The following SENP3 variants were observed in gnomAD, a reference collection of about 807,000 sequenced individuals.
SENP3 encodes the protein SUMO specific peptidase 3, also known as sentrin-specific protease 3.
SENP3 carries 11 observed loss-of-function variants against 66.2 expected under a neutral mutation model. The observed-to-expected ratio is 0.17, with a 90% CI of 0.10 to 0.28. The LOEUF (loss-of-function observed/expected upper bound fraction) is 0.28. Ranked by LOEUF, SENP3 falls within the 10% of genes least tolerant of loss-of-function variation. The probability of loss-of-function intolerance (pLI) is 1.00; values close to 1 mark genes in which losing one functional copy is unlikely to be tolerated. For synonymous variants in SENP3, 292 were observed against 277.6 expected (o/e 1.05, Z -0.52); for missense variants, 548 against 743.7 (o/e 0.74, Z 3.06).
In SENP3 at chr17:7,561,990, A is replaced by T. The variant is rs944832116; in HGVS notation, c.-285A>T. ...GCGGGAGGGGAAGGAGGAGGGGGGG[A>T]GGAGTGGCGGCGGCGGCGGTGGCGC... On this transcript the variant is annotated 5_prime_UTR_variant, in exon 1 of 11. Coordinates refer to ENST00000321337, the MANE Select transcript of SENP3 (RefSeq NM_015670.6). The surrounding 1 kb of genome is among the most constrained non-coding windows in gnomAD (Gnocchi z 4.4). 5.6e-5 allele frequency: 22 copies of T among 393,980 alleles called. No individual in the cohort carries two copies. Among genetic ancestry groups the T allele is most frequent in the Non-Finnish European group, 9.4e-5 (21 of 224,372 alleles). 24.4% of individuals were successfully genotyped at this position (393,980 alleles called of 1,614,324 possible).
At position 7,561,976 on chromosome 17, in the gene SENP3, A is replaced by AGGAGGAGGGGG; in HGVS notation, c.-291_-281dup. ...TGGGCCCGGGGCTCGCGGGAGGGGA[A>AGGAGGAGGGGG]GGAGGAGGGGGGGAGGAGTGGCGGC... On this transcript the variant is annotated 5_prime_UTR_variant, in exon 1 of 11. Coordinates refer to ENST00000321337, the MANE Select transcript of SENP3 (RefSeq NM_015670.6). This position sits in a 1 kb window ranked among gnomAD's most constrained non-coding sequence, Gnocchi z 4.4. 1 of 382,370 alleles carries AGGAGGAGGGGG rather than the reference A, an allele frequency of 2.6e-6. No individual in the cohort carries two copies. The allele number at this position is 382,370 out of a possible 1,614,324, so 23.7% of individuals were successfully genotyped here. A position where few individuals can be genotyped will look rare whatever the true frequency, so the allele number is the denominator to read the frequency against.
At chr17:7,567,201 G>C (rs1669194045) in intron 7 of SENP3, among the ~76,000 whole-genome samples, 197 bp downstream of exon 7, 1 of 152,198 alleles carries the variant, frequency 6.6e-6, no homozygotes, top group Non-Finnish European at 1.5e-5. Context: ...CTAGTGATAA[G>C]TGCTGTGGGC....
rs971459535 is a variant in SENP3 at position 7,562,031 on chromosome 17, CGGAGGTGGAGGT to C, written c.-234_-223del. On this transcript the variant is annotated 5_prime_UTR_variant, in exon 1 of 11. Coordinates refer to ENST00000321337, the MANE Select transcript of SENP3 (RefSeq NM_015670.6). This position sits in a 1 kb window ranked among gnomAD's most constrained non-coding sequence, Gnocchi z 5.0. The stretch of plus-strand genomic sequence containing the variant: ...GCGGTGGCGCTGGTGGCGGCGGTGG[CGGAGGTGGAGGT>C]GGAGGTGGAAGCTGAAGCTGAAGCA... 10 of 399,868 alleles carry C rather than the reference CGGAGGTGGAGGT, an allele frequency of 2.5e-5. No individual in the cohort carries two copies. Among genetic ancestry groups the C allele is most frequent in the Non-Finnish European group, 4.4e-5 (10 of 227,414 alleles). 24.8% of individuals were successfully genotyped at this position (399,868 alleles called of 1,614,324 possible). A position where few individuals can be genotyped will look rare whatever the true frequency, so the allele number is the denominator to read the frequency against.
intron 6 of SENP3, 94 bp downstream of exon 6, chr17:7,565,858 A>AG (rs2071263183): frequency 9.1e-7 from 1 of 1,103,970 alleles, no homozygotes; most frequent in Admixed American, 2.0e-5. Context: ...TTACACAGAG[A>AG]GGGTCTCTGT....
intron 7 of SENP3, among the ~76,000 whole-genome samples, chr17:7,569,220 C>T (rs2071292069): frequency 6.6e-6 from 1 of 151,698 alleles, no homozygotes; most frequent in South Asian, 2.1e-4. Context: ...CCTGTCTCTA[C>T]TAAAAATACA....
At chr17:7,565,207 T>G (rs1247235837) in intron 4 of SENP3, 137 bp downstream of exon 4, 13 of 816,302 alleles carry the variant, frequency 1.6e-5, no homozygotes, top group Non-Finnish European at 2.5e-5. Flanking sequence ...TGCAGGCAGG[T>G]GCCAAATCCT....
chr17:7,570,620 C>T lies in SENP3; in HGVS notation c.1480-61C>T. 1 of 1,581,922 alleles carries T rather than the reference C, an allele frequency of 6.3e-7. No individual in the cohort carries two copies. The highest frequency in any genetic ancestry group is 1.1e-5 in the South Asian group (1 of 87,964). On this transcript the variant is annotated intron_variant, in intron 8 of 10. Coordinates refer to ENST00000321337, the MANE Select transcript of SENP3 (RefSeq NM_015670.6). The surrounding 1 kb of genome is among the most constrained non-coding windows in gnomAD (Gnocchi z 5.4). ...GCATGGTGTCTGCCAGCACTGTACCCACCATACTGTGTTCAATTGAGAAAC... is the reference window on the plus strand; with the variant it reads ...GCATGGTGTCTGCCAGCACTGTACCTACCATACTGTGTTCAATTGAGAAAC...
At position 7,571,557 on chromosome 17, in the gene SENP3, C is replaced by G; in HGVS notation, c.*74C>G. On this transcript the variant is annotated 3_prime_UTR_variant, in exon 11 of 11. Coordinates refer to ENST00000321337, the MANE Select transcript of SENP3 (RefSeq NM_015670.6). ...AGTCCCTTCCCAAGAAACTCCAGTT[C>G]CTTTCCTCTCTTGCCTCTTCCCACT... 1.0e-6 allele frequency: 1 copy of G among 964,626 alleles called. No homozygotes were observed. The highest frequency in any genetic ancestry group is 1.9e-5 in the Admixed American group (1 of 52,882). 59.8% of individuals were successfully genotyped at this position (964,626 alleles called of 1,614,324 possible).
Position 7,563,625 on chromosome 17 carries a change from T to C in SENP3, c.549T>C (p.Cys183=). The C allele has an allele frequency of 6.2e-7, 1 of 1,602,002 alleles. No homozygotes were observed. The change falls in exon 2 of 11, where the codon TGT becomes TGC. Residue 183 remains cysteine (C), a synonymous_variant. Transcript: ENST00000321337. The stretch of plus-strand genomic sequence containing the variant: ...CGACGCCACAGGTGCCATCCCCCTG[T>C]TGTCGTTTTGACTCCCCCCGGGGGC... ...GGATPQVPSP[C]CRFDSPRGPP...
At chr17:7,565,275 A>G in intron 4 of SENP3, 165 bp from the exon 5 acceptor site, 4 of 860,942 alleles carry the variant, frequency 4.6e-6, no homozygotes, top group South Asian at 3.4e-5. Flanking sequence ...CTGAGTAGTC[A>G]TGTTTATCTT....
chr17:7,564,903 C>T (rs758035302), intron 3 of SENP3, 39 bp downstream of exon 3: 11 of 1,602,456 alleles, frequency 6.9e-6, no homozygotes, highest in African/African-American at 6.7e-5. Flanking sequence ...CTCCCTTCTC[C>T]GACTCCTAGA....
rs781117484 is a variant in SENP3 at position 7,563,657 on chromosome 17, C to T, written c.581C>T (p.Pro194Leu). The change falls in exon 2 of 11, where the codon CCA becomes CTA. Residue 194 changes from proline to leucine, a missense_variant. Pro to Leu is a moderately conservative substitution (Grantham distance 98). This residue lies in a region of SENP3 where 215 missense variants were observed against 230.7 expected (regional missense o/e 0.93). Transcript: ENST00000321337. ...TTTGACTCCCCCCGGGGGCCACCTC[C>T]ACCCCGGCTGGGTCTGCTAGGTGCT... Reference protein sequence around the residue: ...CRFDSPRGPPPPRLGLLGALM... With the variant: ...CRFDSPRGPPLPRLGLLGALM... 1.9e-6 allele frequency: 3 copies of T among 1,610,958 alleles called. No individual in the cohort carries two copies. Among genetic ancestry groups the T allele is most frequent in the Non-Finnish European group, 2.5e-6 (3 of 1,178,834 alleles).
chr17:7,565,947 C>T (rs905143155), intron 6 of SENP3, 183 bp downstream of exon 6: 7 of 581,464 alleles, frequency 1.2e-5, no homozygotes, highest in Non-Finnish European at 2.1e-5. Context: ...AGTTGTTTTC[C>T]TTTCTGCCAG....
intron 6 of SENP3, among the ~76,000 whole-genome samples, chr17:7,566,530 G>T (rs1187507899): frequency 6.6e-6 from 1 of 151,648 alleles, no homozygotes; most frequent in Admixed American, 6.6e-5. Flanking sequence ...GCTGGGCATA[G>T]TGGCGGGTAC....
chr17:7,571,640 G>A lies in SENP3; in HGVS notation c.*157G>A, dbSNP rs190706037. The A allele has an allele frequency of 6.9e-4, 387 of 562,552 alleles. 3 individuals carry two copies. Among genetic ancestry groups the A allele is most frequent in the South Asian group, 5.4e-3 (262 of 48,450 alleles). The allele number at this position is 562,552 out of a possible 1,614,324, so 34.8% of individuals were successfully genotyped here. A position where few individuals can be genotyped will look rare whatever the true frequency, so the allele number is the denominator to read the frequency against. On this transcript the variant is annotated 3_prime_UTR_variant, in exon 11 of 11. Transcript: ENST00000321337. Reference sequence around the variant, plus strand: ...TCAATTTCTGTATTTTTTTTTCTTTGAGAGAATACTTGTTGATTTCTGATG... The same window carrying A: ...TCAATTTCTGTATTTTTTTTTCTTTAAGAGAATACTTGTTGATTTCTGATG...
Position 7,562,367 on chromosome 17 carries a change from T to C in SENP3, c.-12+104T>C. The C allele has an allele frequency of 2.5e-6, 1 of 395,572 alleles. No individual in the cohort carries two copies. Among genetic ancestry groups the C allele is most frequent in the Non-Finnish European group, 4.5e-6 (1 of 224,550 alleles). The allele number at this position is 395,572 out of a possible 1,614,324, so 24.5% of individuals were successfully genotyped here. A position where few individuals can be genotyped will look rare whatever the true frequency, so the allele number is the denominator to read the frequency against. ...CCCAGAGGCCCGCATAGGGGCTTCT[T>C]AAGGCCCGTGTGCGCCGAGCCATCC... On this transcript the variant is annotated intron_variant, in intron 1 of 10. Coordinates refer to ENST00000321337, the MANE Select transcript of SENP3 (RefSeq NM_015670.6). This position sits in a 1 kb window ranked among gnomAD's most constrained non-coding sequence, Gnocchi z 5.0.
chr17:7,565,511 G>A lies in SENP3; in HGVS notation c.1139G>A (p.Arg380Gln), dbSNP rs759208364. 1.0e-4 allele frequency: 164 copies of A among 1,613,854 alleles called. No homozygotes were observed. Among genetic ancestry groups the A allele is most frequent in the Non-Finnish European group, 1.3e-4 (156 of 1,179,822 alleles). ...MPGNAMVRGF[R>Q]VAYKRHVLTM... ...GGCAATGCCATGGTGAGGGGCTTCC[G>A]AGTGGCTTATAAGCGGCACGTGCTG... The change falls in exon 5 of 11, where the codon CGA becomes CAA. Residue 380 changes from arginine (R) to glutamine (Q), a missense_variant. Arg to Gln is a conservative substitution (Grantham distance 43, BLOSUM62 1). Transcript: ENST00000321337.
chr17:7,566,039 AAAAAAG>A (rs201051628), intron 6 of SENP3: 9,054 of 332,832 alleles, frequency 0.027, 495 homozygotes, highest in East Asian at 0.2. Context: ...GATTTAAAAA[AAAAAAG>A]AAAAAGAAAA....
In SENP3 at chr17:7,565,947, CT is replaced by C. The variant is rs937942957; in HGVS notation, c.1263+186del. ...GGCTCTGGATTTATCAGTTGTTTTC[CT>C]TTCTGCCAGTATTTAGTGTTTTTCG... On this transcript the variant is annotated intron_variant, in intron 6 of 10. Transcript: ENST00000321337. 20 of 581,346 alleles carry C rather than the reference CT, an allele frequency of 3.4e-5. No homozygotes were observed. In the African/African-American group the frequency reaches 3.5e-4, roughly 10 times the overall value. The allele number at this position is 581,346 out of a possible 1,614,324, so 36.0% of individuals were successfully genotyped here.
Sources: gnomAD v4.1 joint callset for allele counts (sites outside exome capture counted in the v4.1 genomes callset) on GRCh38, gnomAD v4.1.1 for gene constraint, gnomAD v4.1.1 regional missense constraint, Gnocchi (gnomAD v3.1) non-coding constraint, MANE v1.5 for transcripts, NCBI Gene and HGNC (gene_info 2026-07-23, HGNC 2026-07-21) for gene names.